NKAIN2: variants seen among roughly 807,000 people sequenced by gnomAD.
The protein encoded by NKAIN2 is sodium/potassium-transporting ATPase subunit beta-1-interacting protein 2.
Under a neutral mutation model 32.6 loss-of-function variants are expected in NKAIN2, and 14 were observed. The observed-to-expected ratio is 0.43, with a 90% confidence interval of 0.28 to 0.67. The LOEUF is 0.67. Ranked by LOEUF, NKAIN2 falls within the 30% of genes least tolerant of loss-of-function variation. NKAIN2 has a pLI of 0.17. For missense variants in NKAIN2, 198 were observed against 258.3 expected (o/e 0.77, Z 1.60); for synonymous variants, 80 against 87.2 (o/e 0.92, Z 0.46).
chr6:124,277,904 C>T (rs1401756940), intron 1 of NKAIN2, among the ~76,000 whole-genome samples: 1 of 151,514 alleles, frequency 6.6e-6, no homozygotes, highest in African/African-American at 2.4e-5. Flanking sequence ...GTTTCATCAT[C>T]ATAGTTTCAA....
chr6:124,695,252 A>G (rs779674806), intron 4 of NKAIN2, among the ~76,000 whole-genome samples: 2 of 152,096 alleles, frequency 1.3e-5, no homozygotes, highest in Non-Finnish European at 2.9e-5. Flanking sequence ...TTAATAAACA[A>G]CCCTTTCTGC....
At chr6:124,773,632 G>A (rs1427681031) in intron 4 of NKAIN2, among the ~76,000 whole-genome samples, 1 of 152,100 alleles carries the variant, frequency 6.6e-6, no homozygotes, top group African/African-American at 2.4e-5. Context: ...TTCTCAAAGA[G>A]GGACTAGACC....
chr6:124,146,827 T>A (rs533636366), intron 1 of NKAIN2, among the ~76,000 whole-genome samples: 1 of 152,222 alleles, frequency 6.6e-6, no homozygotes, highest in East Asian at 1.9e-4. Flanking sequence ...GGAATACATA[T>A]GTAAGTGAAA....
chr6:123,894,537 GA>G (rs1211580601), intron 1 of NKAIN2, among the ~76,000 whole-genome samples: 1 of 152,128 alleles, frequency 6.6e-6, no homozygotes, highest in Non-Finnish European at 1.5e-5. Flanking sequence ...AGCATTCAAG[GA>G]AGGAGATGAG....
chr6:123,965,431 A>G (rs756089177), intron 1 of NKAIN2, among the ~76,000 whole-genome samples: 2 of 152,140 alleles, frequency 1.3e-5, no homozygotes, highest in Non-Finnish European at 2.9e-5. Flanking sequence ...TTATCCTATC[A>G]TGTTAATCCC....
intron 1 of NKAIN2, among the ~76,000 whole-genome samples, chr6:124,080,051 G>T (rs1291073203): frequency 6.6e-6 from 1 of 152,114 alleles, no homozygotes; most frequent in East Asian, 1.9e-4. Context: ...GATTAAGGAT[G>T]TGTGAAATAT....
At chr6:124,576,347 T>G (rs961456088) in intron 3 of NKAIN2, among the ~76,000 whole-genome samples, 3 of 152,004 alleles carry the variant, frequency 2.0e-5, no homozygotes, top group African/African-American at 7.2e-5. Flanking sequence ...TTTGGCAGAT[T>G]TTTTTGTGAA....
chr6:123,839,815 C>G (rs887029150), intron 1 of NKAIN2, among the ~76,000 whole-genome samples: 1 of 152,046 alleles, frequency 6.6e-6, no homozygotes, highest in Non-Finnish European at 1.5e-5. Flanking sequence ...AGAAGATGTT[C>G]CTATGCTCAA....
At chr6:124,618,403 G>C (rs1366833519) in intron 3 of NKAIN2, among the ~76,000 whole-genome samples, 1 of 152,168 alleles carries the variant, frequency 6.6e-6, no homozygotes, top group Non-Finnish European at 1.5e-5. Context: ...GCTTGAACCA[G>C]GGAGGCGGAG....
chr6:123,856,564 A>G (rs191426326), intron 1 of NKAIN2, among the ~76,000 whole-genome samples: 12 of 152,374 alleles, frequency 7.9e-5, no homozygotes, highest in Admixed American at 7.2e-4. Context: ...AAAAATGCCA[A>G]TAAACAGAAT....
At chr6:124,180,434 A>G (rs543781624) in intron 1 of NKAIN2, among the ~76,000 whole-genome samples, 1 of 151,916 alleles carries the variant, frequency 6.6e-6, no homozygotes, top group African/African-American at 2.4e-5. Context: ...ATGGGAAAAA[A>G]CCCACCCCTA....
intron 1 of NKAIN2, among the ~76,000 whole-genome samples, chr6:124,006,804 T>C (rs1465437520): frequency 1.3e-5 from 2 of 152,190 alleles, no homozygotes; most frequent in Non-Finnish European, 2.9e-5. Flanking sequence ...GGAGCAACTC[T>C]GGCTCCCTGA....
At chr6:124,637,022 A>G (rs1783796414) in intron 3 of NKAIN2, among the ~76,000 whole-genome samples, 1 of 152,080 alleles carries the variant, frequency 6.6e-6, no homozygotes, top group South Asian at 2.1e-4. Context: ...ATAACATTAC[A>G]TTAAAAGATA....
chr6:123,967,272 G>A lies in NKAIN2; in HGVS notation c.54+163018G>A, dbSNP rs183982559. Among the ~76,000 whole-genome samples the A allele has an allele frequency of 1.7e-4, 26 of 152,286 alleles. 1 individual carries two copies. In the East Asian group the frequency reaches 4.4e-3, roughly 26 times the overall value. On this transcript the variant is annotated intron_variant, in intron 1 of 6. Transcript: ENST00000368417. The stretch of plus-strand genomic sequence containing the variant: ...GTATGTTTTAAGCCATTGAGACTCC[G>A]AGAGTTTTCTTTGAAATTGCAAATA...
At chr6:124,410,050 C>G (rs1436147848) in intron 3 of NKAIN2, among the ~76,000 whole-genome samples, 1 of 152,084 alleles carries the variant, frequency 6.6e-6, no homozygotes, top group East Asian at 1.9e-4. Context: ...TCCCCTTTGT[C>G]ATTTTTTATT....
chr6:124,385,361 T>C (rs1772850152), intron 3 of NKAIN2, among the ~76,000 whole-genome samples: 1 of 152,062 alleles, frequency 6.6e-6, no homozygotes, highest in African/African-American at 2.4e-5. Context: ...AGACTGCTTA[T>C]AGACCTGTTG....
chr6:124,200,927 G>GAA (rs1355918609), intron 1 of NKAIN2, among the ~76,000 whole-genome samples: 1 of 151,966 alleles, frequency 6.6e-6, no homozygotes, highest in South Asian at 2.1e-4. Flanking sequence ...CTTGTCATAG[G>GAA]AAAAAGCCGT....
intron 1 of NKAIN2, among the ~76,000 whole-genome samples, chr6:123,877,468 A>G (rs1459658708): frequency 6.6e-6 from 1 of 152,204 alleles, no homozygotes; most frequent in East Asian, 1.9e-4. Flanking sequence ...AGATGGGCAT[A>G]TGGAATGTAT....
In NKAIN2 at chr6:124,393,752, C is replaced by A. The variant is rs141634792; in HGVS notation, c.273+38405C>A. Among the ~76,000 whole-genome samples, 11 of 152,230 alleles carry A rather than the reference C, an allele frequency of 7.2e-5. No homozygotes were observed. In the East Asian group the frequency reaches 2.1e-3, roughly 29 times the overall value. ...TGGAACCTAGTGTTAGTCATGCATG[C>A]GTAATGGCTGTATAAATATACTTGT... On this transcript the variant is annotated intron_variant, in intron 3 of 6. Coordinates refer to ENST00000368417, the MANE Select transcript of NKAIN2 (RefSeq NM_001040214.3).
Sources: allele counts gnomAD v4.1 joint callset (sites outside exome capture counted in the v4.1 genomes callset), GRCh38; gene constraint gnomAD v4.1.1; transcripts MANE v1.5; gene names NCBI Gene and HGNC (gene_info 2026-07-23, HGNC 2026-07-21).